The following LGSN variants were observed in gnomAD, a reference collection of about 807,000 sequenced individuals.
LGSN encodes lengsin, lens protein with glutamine synthetase domain.
Under a neutral mutation model 19.5 loss-of-function variants are expected in LGSN, and 21 were observed. That is an observed-to-expected ratio of 1.07 (90% CI 0.76 to 1.55). The LOEUF (loss-of-function observed/expected upper bound fraction) is 1.55, where lower values mean the gene tolerates loss of function less well. Ranked by LOEUF, LGSN falls within the 40% of genes most tolerant of loss-of-function variation. The probability of loss-of-function intolerance (pLI) is 0.00; values close to 1 mark genes in which losing one functional copy is unlikely to be tolerated. For synonymous variants in LGSN, 257 were observed against 215.6 expected, an observed-to-expected ratio of 1.19 and a Z score of -1.68; for missense variants, 673 against 608.5, an observed-to-expected ratio of 1.11 and a Z score of -1.12.
the LGSN span, among the ~76,000 whole-genome samples, chr6:63,467,484 G>A: frequency 6.6e-6 from 1 of 152,026 alleles, no homozygotes; most frequent in Non-Finnish European, 1.5e-5. Flanking sequence ...CAGTTCTAGG[G>A]GCCAGAATTT....
At chr6:63,535,202 A>AT in the LGSN span, among the ~76,000 whole-genome samples, 4 of 152,136 alleles carry the variant, frequency 2.6e-5, no homozygotes, top group Non-Finnish European at 5.9e-5. Flanking sequence ...ACAGTGGCTC[A>AT]GCCTGTAATT....
At chr6:63,362,488 C>T in the LGSN span, among the ~76,000 whole-genome samples, 1 of 152,222 alleles carries the variant, frequency 6.6e-6, no homozygotes, top group African/African-American at 2.4e-5. Flanking sequence ...AATTGGCACA[C>T]TCCCACCCTA....
chr6:63,393,206 C>T, the LGSN span, among the ~76,000 whole-genome samples: 1 of 150,496 alleles, frequency 6.6e-6, no homozygotes, highest in South Asian at 2.1e-4. Flanking sequence ...CTCACTCTGT[C>T]GCCCAGGCTG....
At chr6:63,505,634 A>AAAGAAAGAAAGAAATT in the LGSN span, among the ~76,000 whole-genome samples, 1 of 127,290 alleles carries the variant, frequency 7.9e-6, no homozygotes, top group Non-Finnish European at 1.6e-5. Context: ...AGAAAGAAAG[A>AAAGAAAGAAAGAAATT]AATTCTGGCA....
the LGSN span, among the ~76,000 whole-genome samples, chr6:63,356,158 G>A: frequency 2.8e-4 from 42 of 152,176 alleles, 1 homozygote; most frequent in African/African-American, 1.0e-3. Flanking sequence ...TTAAAAATAA[G>A]ATCACATTCT....
chr6:63,455,110 A>C, the LGSN span, among the ~76,000 whole-genome samples: 1 of 152,096 alleles, frequency 6.6e-6, no homozygotes, highest in Non-Finnish European at 1.5e-5. Flanking sequence ...TACATTTTCT[A>C]TAAGGAAGTT....
chr6:63,450,919 CT>C, the LGSN span, among the ~76,000 whole-genome samples: 4 of 152,284 alleles, frequency 2.6e-5, no homozygotes, highest in Non-Finnish European at 2.9e-5. Flanking sequence ...GACAATCCCC[CT>C]GGCCTTGGCC....
chr6:63,356,751 C>G, the LGSN span, among the ~76,000 whole-genome samples: 1 of 151,930 alleles, frequency 6.6e-6, no homozygotes, highest in Non-Finnish European at 1.5e-5. Flanking sequence ...TGTTAAGTGC[C>G]AAAACTGCAA....
chr6:63,563,820 G>A, the LGSN span, among the ~76,000 whole-genome samples: 2 of 152,168 alleles, frequency 1.3e-5, no homozygotes, highest in African/African-American at 4.8e-5. Context: ...CATTGTTAAC[G>A]GGATTGAGAG....
intron 1 of LGSN, among the ~76,000 whole-genome samples, chr6:63,317,901 G>T (rs773070647): frequency 1.8e-4 from 27 of 152,294 alleles, no homozygotes; most frequent in Non-Finnish European, 3.1e-4. Context: ...GTGGGGAACA[G>T]ATCTTACTCA....
the LGSN span, among the ~76,000 whole-genome samples, chr6:63,440,606 C>A: frequency 6.6e-6 from 1 of 152,154 alleles, no homozygotes; most frequent in African/African-American, 2.4e-5. Flanking sequence ...CCCTAGATAT[C>A]CATTTGTCTA....
At chr6:63,399,852 C>T in the LGSN span, among the ~76,000 whole-genome samples, 1 of 152,076 alleles carries the variant, frequency 6.6e-6, no homozygotes, top group Non-Finnish European at 1.5e-5. Flanking sequence ...TATGCCATCA[C>T]ACCCAGCTAT....
chr6:63,497,990 C>T, the LGSN span, among the ~76,000 whole-genome samples: 1 of 143,098 alleles, frequency 7.0e-6, no homozygotes, highest in South Asian at 2.3e-4. Flanking sequence ...ACAACCTCAG[C>T]TCACTGCAAT....
chr6:63,540,241 GA>G, the LGSN span, among the ~76,000 whole-genome samples: 1 of 151,942 alleles, frequency 6.6e-6, no homozygotes, highest in Non-Finnish European at 1.5e-5. Flanking sequence ...CCAGCCACTA[GA>G]AAAGGCAGGA....
the LGSN span, among the ~76,000 whole-genome samples, chr6:63,335,338 A>G: frequency 6.6e-6 from 1 of 152,258 alleles, no homozygotes; most frequent in African/African-American, 2.4e-5. Context: ...AAACATAGGA[A>G]AAACTCTTCA....
chr6:63,332,223 T>G, the LGSN span, among the ~76,000 whole-genome samples: 1 of 152,016 alleles, frequency 6.6e-6, no homozygotes, highest in South Asian at 2.1e-4. Flanking sequence ...GGTAACAGAG[T>G]CCTGGAATTT....
At chr6:63,311,487 C>T (rs950614706) in intron 1 of LGSN, among the ~76,000 whole-genome samples, 2 of 152,172 alleles carry the variant, frequency 1.3e-5, no homozygotes, top group African/African-American at 2.4e-5. Flanking sequence ...CCATTTCAAA[C>T]TGCTGATTTA....
Position 63,281,141 on chromosome 6 carries a change from T to C in LGSN, c.410A>G (p.Asn137Ser). The C allele has an allele frequency of 6.2e-7, 1 of 1,613,744 alleles. No individual in the cohort carries two copies. Among genetic ancestry groups the C allele is most frequent in the Non-Finnish European group, 8.5e-7 (1 of 1,179,922 alleles). ...GCTATTAAAACATGTGGCTCTTATG[T>C]TATTCATTTCATTGTCCTTTGGATT... The part of the protein sequence containing the change: ...IPNPKDNEMN[N>S]IRATCFNSDI... Residue 137 changes from asparagine (N) to serine (S), a missense_variant, in exon 4 of 4, where the codon AAC becomes AGC. Transcript: ENST00000370657.
chr6:63,386,354 G>A, the LGSN span, among the ~76,000 whole-genome samples: 5 of 152,250 alleles, frequency 3.3e-5, no homozygotes, highest in South Asian at 8.3e-4. Flanking sequence ...CAGCCATTGA[G>A]AATATCATTG....
Sources: allele counts gnomAD v4.1 joint callset (sites outside exome capture counted in the v4.1 genomes callset), GRCh38; gene constraint gnomAD v4.1.1; transcripts MANE v1.5; gene names NCBI Gene and HGNC (gene_info 2026-07-23, HGNC 2026-07-21).